EMSY: variants seen among roughly 807,000 people sequenced by gnomAD.
EMSY encodes the protein BRCA2-interacting transcriptional repressor EMSY.
A neutral mutation model predicts 134.6 loss-of-function variants in EMSY; 26 were observed. The observed-to-expected ratio is 0.19, with a 90% CI of 0.14 to 0.27. The LOEUF is 0.27. EMSY is among the 10% of genes least tolerant of loss of function. The pLI is 1.00. For missense variants in EMSY, 1,305 were observed against 1,611.4 expected, an observed-to-expected ratio of 0.81 and a Z score of 3.26; for synonymous variants, 579 against 577.8, an observed-to-expected ratio of 1.00 and a Z score of -0.03.
exon 19 of EMSY, chr11:76,544,679 G>C (rs558771284): frequency 8.7e-6 from 14 of 1,614,132 alleles, no homozygotes; most frequent in Admixed American, 1.7e-5. Flanking sequence ...GCAAACTGTA[G>C]TACAGGTGCT....
chr11:76,535,959 A>G, exon 15 of EMSY: 1 of 1,604,732 alleles, frequency 6.2e-7, no homozygotes, highest in Non-Finnish European at 8.5e-7. Flanking sequence ...ATGAGATTGC[A>G]ATGGAGACTA....
rs1435384128 is a variant in EMSY at position 76,472,966 on chromosome 11, C to G, written c.1108+126C>G. On this transcript the variant is annotated intron_variant, in intron 8 of 20. Transcript: ENST00000334736. ...ACTATTAGACCCAAGATCACCACCC[C>G]GTGTACCCCAGTTTGAGAATGTCAA... The G allele has an allele frequency of 3.2e-6, 3 of 928,526 alleles. No homozygotes were observed. The African/African-American group carries it at 5.0e-5, about 15-fold the overall frequency. The allele number at this position is 928,526 out of a possible 1,614,324, so 57.5% of individuals were successfully genotyped here.
At chr11:76,446,960 C>G in exon 2 of EMSY, 1 of 1,613,666 alleles carries the variant, frequency 6.2e-7, no homozygotes, top group African/African-American at 1.3e-5. Flanking sequence ...GTGGCCAACC[C>G]TTCTGGATCT....
chr11:76,488,327 G>A (rs1185427159), intron 8 of EMSY, among the ~76,000 whole-genome samples: 3 of 152,238 alleles, frequency 2.0e-5, no homozygotes, highest in South Asian at 2.1e-4. Context: ...TTAGCCAGGC[G>A]TGGTGGTGTA....
chr11:76,453,957 T>C (rs1378747069), intron 4 of EMSY: 1 of 152,116 alleles, frequency 6.6e-6, no homozygotes, highest in Non-Finnish European at 1.5e-5. Context: ...TATAACTATT[T>C]AAGAGGAGGG....
chr11:76,551,982 G>A (rs924267337), downstream of EMSY: 1 of 152,028 alleles, frequency 6.6e-6, no homozygotes, highest in African/African-American at 2.4e-5. Flanking sequence ...TACATATTTT[G>A]GCAGCATAGC....
intron 12 of EMSY, among the ~76,000 whole-genome samples, chr11:76,525,010 C>CTG (rs1950795373): frequency 1.3e-5 from 2 of 152,212 alleles, no homozygotes; most frequent in South Asian, 2.1e-4. Context: ...GAGCAAGACT[C>CTG]TGCCACTGCC....
At chr11:76,460,311 A>G (rs988929166) in intron 6 of EMSY, 2 of 448,958 alleles carry the variant, frequency 4.5e-6, no homozygotes, top group Non-Finnish European at 7.9e-6. Context: ...GTCTGTGGGT[A>G]ATCTGCCTTT....
intron 8 of EMSY, among the ~76,000 whole-genome samples, chr11:76,475,473 A>G (rs1409142419): frequency 2.0e-5 from 3 of 152,186 alleles, no homozygotes; most frequent in Non-Finnish European, 4.4e-5. Flanking sequence ...TTTGCTTCTT[A>G]GCATTCTACA....
At chr11:76,516,438 G>T (rs1950454070) in intron 11 of EMSY, 126 bp downstream of exon 12, 1 of 606,182 alleles carries the variant, frequency 1.6e-6, no homozygotes, top group Non-Finnish European at 2.6e-6. Flanking sequence ...CTTTGTTTTA[G>T]TCCTTATGTT....
chr11:76,499,143 G>C (rs1372280414), intron 9 of EMSY, among the ~76,000 whole-genome samples: 1 of 151,968 alleles, frequency 6.6e-6, no homozygotes, highest in African/African-American at 2.4e-5. Context: ...TGTATTTTTA[G>C]TAGAGACAGG....
intron 8 of EMSY, among the ~76,000 whole-genome samples, chr11:76,494,671 C>T (rs1232257341): frequency 3.8e-5 from 1 of 26,314 alleles, no homozygotes; most frequent in Non-Finnish European, 8.2e-5. Flanking sequence ...TCCTTCCTTC[C>T]TTCCTTCCTT....
chr11:76,531,400 T>G (rs1451801836), intron 14 of EMSY, among the ~76,000 whole-genome samples: 1 of 152,228 alleles, frequency 6.6e-6, no homozygotes, highest in East Asian at 1.9e-4. Context: ...TCAGCCTTTC[T>G]TTGTATTTCA....
intron 8 of EMSY, among the ~76,000 whole-genome samples, chr11:76,488,435 C>CTA (rs1250326244): frequency 6.6e-6 from 1 of 151,926 alleles, no homozygotes; most frequent in Non-Finnish European, 1.5e-5. Context: ...CCACTGCACT[C>CTA]TAGCCTGGGC....
intron 14 of EMSY, among the ~76,000 whole-genome samples, chr11:76,531,499 C>A (rs1951038896): frequency 6.6e-6 from 1 of 152,062 alleles, no homozygotes; most frequent in Non-Finnish European, 1.5e-5. Flanking sequence ...TGATTAGATT[C>A]ATCAGGAATT....
intron 9 of EMSY, among the ~76,000 whole-genome samples, chr11:76,509,678 A>G (rs1045011691): frequency 2.5e-4 from 38 of 152,314 alleles, no homozygotes; most frequent in African/African-American, 8.7e-4. Flanking sequence ...TGGGGGGGAA[A>G]GCAAGGTGCA....
At chr11:76,461,110 A>C (rs1324717305) in intron 6 of EMSY, 1 of 152,188 alleles carries the variant, frequency 6.6e-6, no homozygotes, top group Non-Finnish European at 1.5e-5. Context: ...GTGGAAAGAG[A>C]GCAGGTGTAT....
At chr11:76,456,452 CACTT>C (rs1344572932) in intron 4 of EMSY, among the ~76,000 whole-genome samples, 1 of 151,800 alleles carries the variant, frequency 6.6e-6, no homozygotes, top group Non-Finnish European at 1.5e-5. Context: ...GTGTAGATGT[CACTT>C]AATTTGTGTG....
intron 12 of EMSY, 72 bp from the exon 14 acceptor site, chr11:76,526,390 G>T: frequency 8.5e-7 from 1 of 1,182,734 alleles, no homozygotes; most frequent in South Asian, 2.2e-5. Context: ...AAACCTTACT[G>T]ATTTTTCAGT....
Sources: allele counts gnomAD v4.1 joint callset (sites outside exome capture counted in the v4.1 genomes callset), GRCh38; gene constraint gnomAD v4.1.1; transcripts MANE v1.5; gene names NCBI Gene and HGNC (gene_info 2026-07-23, HGNC 2026-07-21).